ZNF710: variants seen among roughly 807,000 people sequenced by gnomAD.
ZNF710 encodes zinc finger protein 710.
Under a neutral mutation model 50.6 loss-of-function variants are expected in ZNF710, and 13 were observed. The ratio of observed to expected loss-of-function variants is 0.26; its 90% CI spans 0.17 to 0.41. The LOEUF (loss-of-function observed/expected upper bound fraction) is 0.41. Among genes scored for constraint, ZNF710 ranks in the 10% least tolerant of loss-of-function variants. ZNF710 has a pLI of 1.00. For synonymous variants in ZNF710, 383 were observed against 397.0 expected (o/e 0.96, Z 0.42); for missense variants, 721 against 936.6 (o/e 0.77, Z 3.01).
Position 90,067,670 on chromosome 15 carries a change from C to A in ZNF710, c.533C>A (p.Pro178Gln). The A allele has an allele frequency of 6.2e-7, 1 of 1,612,922 alleles. No individual in the cohort carries two copies. ...PRTLRHLPRT[P>Q]RPELNVAPYD... is the part of the protein sequence containing the mutation. ...ACGCTCCGGCATCTGCCCCGAACCC[C>A]GAGGCCGGAGCTGAACGTGGCCCCA... Residue 178 changes from proline (P) to glutamine (Q), a missense_variant, in exon 2 of 5, where the codon CCG (proline) becomes CAG (glutamine). By Grantham distance (76) the Pro-to-Gln change is moderately conservative. Around this residue, in one of 3 missense-constraint regions of ZNF710, gnomAD observed 326 missense variants for 347.1 expected, o/e 0.94. Transcript: ENST00000268154. This position sits in a 1 kb window ranked among gnomAD's most constrained non-coding sequence, Gnocchi z 8.1.
chr15:90,051,878 A>G (rs963078701), intron 1 of ZNF710, among the ~76,000 whole-genome samples: 2 of 152,178 alleles, frequency 1.3e-5, no homozygotes, highest in African/African-American at 4.8e-5. Context: ...CACTATACAG[A>G]CAAGGAAACC....
At chr15:89,999,462 AAGT>A (rs1897968573), upstream of ZNF710, among the ~76,000 whole-genome samples, 1 of 152,318 alleles carries the variant, frequency 6.6e-6, no homozygotes, top group South Asian at 2.1e-4. Flanking sequence ...GGGAGGCTGC[AAGT>A]GATGACGGAA....
intron 1 of ZNF710, among the ~76,000 whole-genome samples, chr15:90,041,192 CTTTG>C (rs1349442407): frequency 4.6e-5 from 7 of 150,826 alleles, no homozygotes; most frequent in Non-Finnish European, 8.9e-5. Flanking sequence ...TTTCTTTTCT[CTTTG>C]TTTGTCTGTT....
intron 1 of ZNF710, among the ~76,000 whole-genome samples, chr15:90,014,470 A>C (rs1484815206): frequency 1.3e-5 from 2 of 148,368 alleles, no homozygotes; most frequent in East Asian, 4.0e-4. Flanking sequence ...TGTACCCGGG[A>C]GTTTGAATCC....
chr15:90,022,143 C>T (rs917560218), intron 1 of ZNF710, among the ~76,000 whole-genome samples: 3 of 151,706 alleles, frequency 2.0e-5, no homozygotes, highest in South Asian at 2.1e-4. Flanking sequence ...TTTGGGTGGC[C>T]GAGGCGAGCG....
intron 1 of ZNF710, among the ~76,000 whole-genome samples, chr15:90,052,279 AT>A (rs1321892220): frequency 6.6e-6 from 1 of 151,520 alleles, no homozygotes; most frequent in Non-Finnish European, 1.5e-5. Flanking sequence ...ACTTGATCCC[AT>A]TTTCCACCAG....
chr15:90,058,701 T>TATATATATATATATATATA (rs1567236919), intron 1 of ZNF710, among the ~76,000 whole-genome samples: 30 of 143,532 alleles, frequency 2.1e-4, no homozygotes, highest in Admixed American at 5.5e-4. Context: ...CACTATATAT[T>TATATATATATATATATATA]TATATATATA....
rs75398740 is a variant in ZNF710 at position 90,068,586 on chromosome 15, C to A, written c.1449C>A (p.Leu483=). 0.012 allele frequency: 19,932 copies of A among 1,598,054 alleles called. 1,066 individuals carry two copies. In the East Asian group the frequency reaches 0.14, roughly 11 times the overall value. ...SQIHHLKQHS[L]THKGVKEFKC... ...TTCACCACCTCAAGCAGCACTCCCTCACCCACAAGGTAAGGCCGTTCCCAG... is the reference window on the plus strand; with the variant it reads ...TTCACCACCTCAAGCAGCACTCCCTAACCCACAAGGTAAGGCCGTTCCCAG... Residue 483 remains leucine, a synonymous_variant, in exon 2 of 5, where the codon CTC becomes CTA. Transcript: ENST00000268154. This position sits in a 1 kb window ranked among gnomAD's most constrained non-coding sequence, Gnocchi z 5.0.
chr15:90,035,773 A>G (rs1899104664), intron 1 of ZNF710, among the ~76,000 whole-genome samples: 1 of 152,280 alleles, frequency 6.6e-6, no homozygotes, highest in South Asian at 2.1e-4. Context: ...TCCTCTGGAA[A>G]GGTCAGCCAG....
chr15:90,042,879 A>G (rs1460317116), intron 1 of ZNF710, among the ~76,000 whole-genome samples: 1 of 152,232 alleles, frequency 6.6e-6, no homozygotes, highest in Non-Finnish European at 1.5e-5. Context: ...TAACTCAGGA[A>G]GGTGCTGGTC....
At chr15:89,999,717 C>A (rs62020557), upstream of ZNF710, among the ~76,000 whole-genome samples, 2 of 149,566 alleles carry the variant, frequency 1.3e-5, no homozygotes, top group Admixed American at 1.3e-4. Flanking sequence ...GCCCAGGGCT[C>A]AGGGCTGGGG....
At chr15:90,078,620 A>G (rs1023764172) in intron 4 of ZNF710, among the ~76,000 whole-genome samples, 1 of 152,178 alleles carries the variant, frequency 6.6e-6, no homozygotes, top group Non-Finnish European at 1.5e-5. Context: ...CCATGTTTGG[A>G]GACATTTATG....
intron 1 of ZNF710, among the ~76,000 whole-genome samples, chr15:90,018,418 G>A (rs1008968264): frequency 2.6e-5 from 4 of 152,012 alleles, no homozygotes; most frequent in African/African-American, 7.2e-5. Flanking sequence ...TCCGCCTACC[G>A]TGGCCTCCCA....
chr15:90,060,629 G>A (rs908075799), intron 1 of ZNF710, among the ~76,000 whole-genome samples: 2 of 151,962 alleles, frequency 1.3e-5, no homozygotes, highest in African/African-American at 4.8e-5. Context: ...CGAGGCAGGT[G>A]GATCACCTGA....
chr15:90,079,908 T>A lies in ZNF710; in HGVS notation c.*79T>A. The A allele has an allele frequency of 7.3e-7, 1 of 1,364,704 alleles. No individual in the cohort carries two copies. 84.5% of individuals were successfully genotyped at this position (1,364,704 alleles called of 1,614,324 possible). A position where few individuals can be genotyped will look rare whatever the true frequency, so the allele number is the denominator to read the frequency against. ...CCCATGGGCTGCAGGCTGCACCTCC[T>A]GCAGCCGAGAAACAAGCTACTGCCC... On this transcript the variant is annotated 3_prime_UTR_variant, in exon 5 of 5. Coordinates refer to ENST00000268154, the MANE Select transcript of ZNF710 (RefSeq NM_198526.4).
At chr15:90,031,441 A>T (rs1168925818) in intron 1 of ZNF710, among the ~76,000 whole-genome samples, 1 of 152,228 alleles carries the variant, frequency 6.6e-6, no homozygotes, top group South Asian at 2.1e-4. Context: ...TCCTCAGCAC[A>T]TTTGAGAAGC....
At chr15:90,060,394 A>C (rs1366812349) in intron 1 of ZNF710, among the ~76,000 whole-genome samples, 1 of 152,102 alleles carries the variant, frequency 6.6e-6, no homozygotes, top group Non-Finnish European at 1.5e-5. Flanking sequence ...CTCTACAAAA[A>C]CAATGTAAAA....
At position 90,008,424 on chromosome 15, in the gene ZNF710, G is replaced by GTATATATATATACATA. The variant is rs1567218324; in HGVS notation, c.-29+6811_-29+6812insATATATATATACATAT. On this transcript the variant is annotated intron_variant, in intron 1 of 4. Transcript: ENST00000268154. The stretch of plus-strand genomic sequence containing the variant: ...ATATAGTATACGTGTGTGTGTGTGT[G>GTATATATATATACATA]TGTATATATATATATACATATATAT... Among the ~76,000 whole-genome samples the GTATATATATATACATA allele has an allele frequency of 3.5e-4, 44 of 126,290 alleles. 1 individual carries two copies. Among genetic ancestry groups the GTATATATATATACATA allele is most frequent in the African/African-American group, 1.6e-3 (42 of 26,626 alleles). The allele number at this position is 126,290 out of a possible 152,430, so 82.9% of individuals were successfully genotyped here. A position where few individuals can be genotyped will look rare whatever the true frequency, so the allele number is the denominator to read the frequency against.
upstream of ZNF710, among the ~76,000 whole-genome samples, chr15:89,998,772 G>A (rs1221199499): frequency 1.3e-5 from 2 of 152,198 alleles, no homozygotes; most frequent in Admixed American, 6.5e-5. Flanking sequence ...AGTTAGAGAG[G>A]TTGACTTGCC....
Sources: allele counts gnomAD v4.1 joint callset (sites outside exome capture counted in the v4.1 genomes callset), GRCh38; gene constraint gnomAD v4.1.1; regional missense constraint gnomAD v4.1.1; non-coding constraint Gnocchi (gnomAD v3.1); transcripts MANE v1.5; gene names NCBI Gene and HGNC (gene_info 2026-07-23, HGNC 2026-07-21).